The following KIRREL3 variants were observed in gnomAD, a reference collection of about 807,000 sequenced individuals.
KIRREL3 encodes kin of IRRE-like protein 3.
KIRREL3 carries 36 observed loss-of-function variants against 89.7 expected under a neutral mutation model. The ratio of observed to expected loss-of-function variants is 0.40; its 90% CI spans 0.31 to 0.53. KIRREL3 has a LOEUF of 0.53. KIRREL3 is among the 20% of genes least tolerant of loss of function. The pLI is 0.49. For missense variants in KIRREL3, 864 were observed against 1,056.6 expected, an observed-to-expected ratio of 0.82 and a Z score of 2.53; for synonymous variants, 445 against 441.4, an observed-to-expected ratio of 1.01 and a Z score of -0.10.
chr11:126,865,796 C>T (rs1329145699), intron 1 of KIRREL3, among the ~76,000 whole-genome samples: 1 of 152,120 alleles, frequency 6.6e-6, no homozygotes, highest in Admixed American at 6.5e-5. Context: ...AAAACTTCAG[C>T]AGAATTTTTT....
chr11:126,716,023 G>T lies in KIRREL3; in HGVS notation c.56-153111C>A, dbSNP rs114300610. ...GGGCAGGAGAAGGGCGGAGGAAGAG[G>T]TGTGGGAAAAGAGGCAGACAGGGAG... is the stretch of plus-strand genomic sequence containing the variant. On this transcript the variant is annotated intron_variant, in intron 1 of 16. Transcript: ENST00000525144. Among the ~76,000 whole-genome samples, 352 of 152,176 alleles carry T rather than the reference G, an allele frequency of 2.3e-3. 1 individual carries two copies. Among genetic ancestry groups the T allele is most frequent in the African/African-American group, 8.3e-3 (343 of 41,506 alleles).
chr11:126,493,927 A>G (rs2134345697), intron 4 of KIRREL3, among the ~76,000 whole-genome samples: 1 of 152,104 alleles, frequency 6.6e-6, no homozygotes, highest in East Asian at 1.9e-4. Flanking sequence ...CACCTCTCTG[A>G]CTCAAGGCTG....
intron 1 of KIRREL3, among the ~76,000 whole-genome samples, chr11:126,849,901 T>A (rs1944285240): frequency 6.6e-6 from 1 of 151,298 alleles, no homozygotes; most frequent in African/African-American, 2.4e-5. Context: ...ACCAGCAGCC[T>A]GTCTCAGAAC....
chr11:126,451,015 ATG>A (rs546765981), intron 7 of KIRREL3, among the ~76,000 whole-genome samples: 1,433 of 136,966 alleles, frequency 0.01, 15 homozygotes, highest in African/African-American at 0.036. Context: ...ACGTGAGTGC[ATG>A]TGTCCATGTG....
intron 1 of KIRREL3, among the ~76,000 whole-genome samples, chr11:126,588,075 CA>C (rs1941954374): frequency 6.6e-6 from 1 of 152,138 alleles, no homozygotes; most frequent in Non-Finnish European, 1.5e-5. Flanking sequence ...TGACCTCAGG[CA>C]AGTTACTTAA....
rs979057847 is a variant in KIRREL3 at position 126,776,257 on chromosome 11, G to T, written c.56-213345C>A. Among the ~76,000 whole-genome samples, 2 of 152,194 alleles carry T rather than the reference G, an allele frequency of 1.3e-5. No homozygotes were observed. The highest frequency in any genetic ancestry group is 2.4e-5 in the African/African-American group (1 of 41,454). Reference sequence around the variant, plus strand: ...GCTCCATTCATGCTCTTTGAACAGGGAGGAGCTGGAGGACTTGGAAGGGAA... The same window carrying T: ...GCTCCATTCATGCTCTTTGAACAGGTAGGAGCTGGAGGACTTGGAAGGGAA... On this transcript the variant is annotated intron_variant, in intron 1 of 16. Coordinates refer to ENST00000525144, the MANE Select transcript of KIRREL3 (RefSeq NM_032531.4). The surrounding 1 kb of genome is among the most constrained non-coding windows in gnomAD (Gnocchi z 4.7).
intron 1 of KIRREL3, among the ~76,000 whole-genome samples, chr11:126,757,208 A>C (rs534751040): frequency 6.6e-6 from 1 of 152,296 alleles, no homozygotes; most frequent in African/African-American, 2.4e-5. Context: ...GGAAAATTAA[A>C]AGCTGTGCTA....
chr11:126,473,276 G>A (rs750533750), intron 5 of KIRREL3, 33 bp downstream of exon 5: 6 of 136,630 alleles, frequency 4.4e-5, no homozygotes, highest in Admixed American at 5.0e-4. Context: ...CTTGAAGCCC[G>A]TCCACACCCA....
At position 126,863,398 on chromosome 11, in the gene KIRREL3, AGTGCGTGAGTGCGTGTGTGAGCGCAT is replaced by A. The variant is rs1290794108; in HGVS notation, c.55+137031_55+137056del. Among the ~76,000 whole-genome samples, 4 of 12,340 alleles carry A rather than the reference AGTGCGTGAGTGCGTGTGTGAGCGCAT, an allele frequency of 3.2e-4. No homozygotes were observed. The Admixed American group carries it at 3.3e-3, about 10-fold the overall frequency. 8.1% of individuals were successfully genotyped at this position (12,340 alleles called of 152,430 possible). On this transcript the variant is annotated intron_variant, in intron 1 of 16. Transcript: ENST00000525144. ...GTGTGTGTGTTTGAGTGCGTGTGTG[AGTGCGTGAGTGCGTGTGTGAGCGCAT>A]GTGTGTGAGTGCGTGTGTGAGTGTG... is the stretch of plus-strand genomic sequence containing the variant.
chr11:126,730,825 G>A (rs963054926), intron 1 of KIRREL3, among the ~76,000 whole-genome samples: 11 of 151,944 alleles, frequency 7.2e-5, no homozygotes, highest in Admixed American at 4.6e-4. Context: ...TGCAACCTCC[G>A]CCTCCCAGGT....
intron 6 of KIRREL3, among the ~76,000 whole-genome samples, chr11:126,460,777 G>C (rs1338517689): frequency 1.3e-5 from 2 of 152,200 alleles, no homozygotes; most frequent in Non-Finnish European, 2.9e-5. Context: ...CCGTTGCCTG[G>C]AGAGGTTCTC....
chr11:126,450,857 G>A (rs371208417), intron 7 of KIRREL3, among the ~76,000 whole-genome samples: 1,653 of 151,602 alleles, frequency 0.011, 29 homozygotes, highest in African/African-American at 0.038. Flanking sequence ...GTGAGCATGT[G>A]CACGTGTGTG....
chr11:126,445,781 A>G (rs875707), intron 9 of KIRREL3, among the ~76,000 whole-genome samples: 129,633 of 152,098 alleles, frequency 0.85, 55,931 homozygotes, highest in African/African-American at 0.96. Context: ...CCCTACCTGG[A>G]GCTCTCCCTG....
chr11:126,637,324 C>T (rs12575977), intron 1 of KIRREL3, among the ~76,000 whole-genome samples: 19,487 of 152,096 alleles, frequency 0.13, 1,425 homozygotes, highest in East Asian at 0.32. Context: ...ATCCTCTTCT[C>T]GCTTCTTCCC....
chr11:126,706,392 C>T (rs1947530354), intron 1 of KIRREL3, among the ~76,000 whole-genome samples: 1 of 152,066 alleles, frequency 6.6e-6, no homozygotes, highest in Non-Finnish European at 1.5e-5. Flanking sequence ...ATGCAAATAT[C>T]GTTTAAGTAC....
In KIRREL3 at chr11:126,995,517, G is replaced by A. The variant is rs1950158621; in HGVS notation, c.55+4938C>T. ...ATAAGGATTGTAGCTGCAAAATAAT[G>A]CCTATGCCCCTCTAGCCCCCTTAGC... is the stretch of plus-strand genomic sequence containing the variant. On this transcript the variant is annotated intron_variant, in intron 1 of 16. Coordinates refer to ENST00000525144, the MANE Select transcript of KIRREL3 (RefSeq NM_032531.4). This position sits in a 1 kb window ranked among gnomAD's most constrained non-coding sequence, Gnocchi z 6.5. 5.6e-6 allele frequency: 2 copies of A among 360,060 alleles called. No individual in the cohort carries two copies. The highest frequency in any genetic ancestry group is 9.6e-4 in the Middle Eastern group (1 of 1,046). The allele number at this position is 360,060 out of a possible 1,614,324, so 22.3% of individuals were successfully genotyped here.
In KIRREL3 at chr11:126,805,173, A is replaced by T. The variant is rs757001414; in HGVS notation, c.55+195282T>A. ...TCATACATTAATGTATTAAGGTAAC[A>T]TCTTTGTATTCAGATTAATCCCTTC... On this transcript the variant is annotated intron_variant, in intron 1 of 16. Coordinates refer to ENST00000525144, the MANE Select transcript of KIRREL3 (RefSeq NM_032531.4). The surrounding 1 kb of genome is among the most constrained non-coding windows in gnomAD (Gnocchi z 4.3). 6.6e-6 allele frequency among the ~76,000 whole-genome samples: 1 copy of T among 152,246 alleles called. No individual in the cohort carries two copies. The highest frequency in any genetic ancestry group is 1.5e-5 in the Non-Finnish European group (1 of 68,040).
At chr11:126,793,266 G>T (rs1365242159) in intron 1 of KIRREL3, among the ~76,000 whole-genome samples, 2 of 152,206 alleles carry the variant, frequency 1.3e-5, no homozygotes, top group Admixed American at 1.3e-4. Context: ...GGGCTTTCTT[G>T]TTGTATTCAC....
chr11:126,448,858 C>G (rs981766736), intron 8 of KIRREL3, 151 bp downstream of exon 8: 2 of 754,172 alleles, frequency 2.7e-6, no homozygotes, highest in Non-Finnish European at 3.9e-6. Flanking sequence ...AAACAATGCA[C>G]AAACCAGCTT....
Sources: gnomAD v4.1 joint callset for allele counts (sites outside exome capture counted in the v4.1 genomes callset) on GRCh38, gnomAD v4.1.1 for gene constraint, Gnocchi (gnomAD v3.1) non-coding constraint, MANE v1.5 for transcripts, NCBI Gene and HGNC (gene_info 2026-07-23, HGNC 2026-07-21) for gene names.